ANKRD17: variants seen among roughly 807,000 people sequenced by gnomAD.
ANKRD17 encodes the protein ankyrin repeat domain 17, also known as ankyrin repeat domain-containing protein 17.
ANKRD17 carries 19 observed loss-of-function variants against 229.7 expected under a neutral mutation model. The ratio of observed to expected loss-of-function variants is 0.08; its 90% confidence interval spans 0.06 to 0.12. ANKRD17 has a LOEUF of 0.12. ANKRD17 is among the 10% of genes least tolerant of loss of function. The pLI is 1.00. For missense variants in ANKRD17, 2,176 were observed against 3,176.8 expected (o/e 0.68, Z 7.57); for synonymous variants, 1,112 against 1,146.1 (o/e 0.97, Z 0.60).
Position 73,085,430 on chromosome 4 carries a change from G to A in ANKRD17, c.6978C>T (p.Asp2326=), listed in dbSNP as rs1297620040. 3 of 1,613,466 alleles carry A rather than the reference G, an allele frequency of 1.9e-6. No homozygotes were observed. The highest frequency in any genetic ancestry group is 1.1e-5 in the South Asian group (1 of 91,068). The change falls in exon 30 of 34, where the codon GAC becomes GAT. Residue 2326 remains aspartate, a synonymous_variant. Coordinates refer to ENST00000358602, the MANE Select transcript of ANKRD17 (RefSeq NM_032217.5). ...AAGGTGTTACAGAACCATATGGCGA[G>A]TCCATATTGACAATACCTATAATGT... ...APSPSGIVNM[D]SPYGSVTPSS... is the part of the protein sequence containing the mutation.
chr4:73,095,918 A>C (rs1723248798), intron 27 of ANKRD17, among the ~76,000 whole-genome samples: 1 of 152,050 alleles, frequency 6.6e-6, no homozygotes, highest in African/African-American at 2.4e-5. Flanking sequence ...TTGAACTCAT[A>C]GTCTCAAGTG....
At chr4:73,218,622 G>A in intron 1 of ANKRD17, among the ~76,000 whole-genome samples, 1 of 136,074 alleles carries the variant, frequency 7.3e-6, no homozygotes, top group Admixed American at 8.0e-5. Flanking sequence ...TAGCCTGGGT[G>A]ACAGAGTGAG....
At chr4:73,151,672 A>G (rs1731014794) in intron 6 of ANKRD17, 148 bp from the exon 7 acceptor site, 2 of 547,188 alleles carry the variant, frequency 3.7e-6, no homozygotes, top group African/African-American at 1.9e-5. Context: ...CCTCAATTGT[A>G]GAACACAAAT....
chr4:73,118,042 G>T (rs1277341780), intron 22 of ANKRD17, among the ~76,000 whole-genome samples: 1 of 151,874 alleles, frequency 6.6e-6, no homozygotes, highest in African/African-American at 2.4e-5. Flanking sequence ...TTGAGACGGG[G>T]TCGTACTCTT....
At chr4:73,148,163 T>C (rs990541630) in intron 8 of ANKRD17, among the ~76,000 whole-genome samples, 2 of 152,226 alleles carry the variant, frequency 1.3e-5, no homozygotes, top group African/African-American at 4.8e-5. Flanking sequence ...TCAACATTAC[T>C]TCTAAATAAA....
intron 8 of ANKRD17, 37 bp from the exon 9 acceptor site, chr4:73,147,469 T>C: frequency 7.1e-7 from 1 of 1,410,898 alleles, no homozygotes; most frequent in Non-Finnish European, 9.4e-7. Context: ...AGAAAGTCAT[T>C]AACTTATTCC....
chr4:73,097,873 A>G (rs572449542), intron 26 of ANKRD17, among the ~76,000 whole-genome samples, 200 bp downstream of exon 26: 2 of 152,290 alleles, frequency 1.3e-5, no homozygotes, highest in South Asian at 2.1e-4. Flanking sequence ...AAGAAATTAC[A>G]TAGTAAAAAT....
chr4:73,097,373 A>G, intron 26 of ANKRD17, 101 bp from the exon 27 acceptor site: 1 of 1,021,094 alleles, frequency 9.8e-7, no homozygotes, highest in Non-Finnish European at 1.4e-6. Flanking sequence ...TTTATTTTTA[A>G]ATAACAAATG....
In ANKRD17 at chr4:73,080,841, G is replaced by C. The variant is rs143683819; in HGVS notation, c.7160-1951C>G. 3 of 152,310 alleles carry C rather than the reference G, an allele frequency of 2.0e-5. No homozygotes were observed. In the East Asian group the frequency reaches 5.8e-4, roughly 29 times the overall value. 9.4% of individuals were successfully genotyped at this position (152,310 alleles called of 1,614,324 possible). A position where few individuals can be genotyped will look rare whatever the true frequency, so the allele number is the denominator to read the frequency against. On this transcript the variant is annotated intron_variant, in intron 30 of 33. Transcript: ENST00000358602. Reference sequence around the variant, plus strand: ...GTTTTTTATGAGACGGTCTCACTATGATGCCCACACTGAAGTACAGTGACT... The same window carrying C: ...GTTTTTTATGAGACGGTCTCACTATCATGCCCACACTGAAGTACAGTGACT...
intron 18 of ANKRD17, among the ~76,000 whole-genome samples, chr4:73,123,145 T>G (rs1726977152): frequency 6.6e-6 from 1 of 152,216 alleles, no homozygotes; most frequent in South Asian, 2.1e-4. Context: ...CCTATTGGCT[T>G]TAATACTACT....
At chr4:73,177,757 G>A (rs570607637) in intron 1 of ANKRD17, among the ~76,000 whole-genome samples, 1 of 152,234 alleles carries the variant, frequency 6.6e-6, no homozygotes, top group South Asian at 2.1e-4. Context: ...TTTCTCATAT[G>A]CAGCCTAATT....
At chr4:73,155,040 C>CAA (rs528971172) in intron 5 of ANKRD17, among the ~76,000 whole-genome samples, 8 of 59,554 alleles carry the variant, frequency 1.3e-4, no homozygotes, top group Non-Finnish European at 1.7e-4. Context: ...GACTCCGTCT[C>CAA]AAAAAAAAAA....
chr4:73,123,927 A>G (rs1411467676), intron 18 of ANKRD17, among the ~76,000 whole-genome samples: 1 of 151,994 alleles, frequency 6.6e-6, no homozygotes, highest in Non-Finnish European at 1.5e-5. Context: ...TGAAACAGTC[A>G]CGATGATGAA....
chr4:73,184,683 ATT>A (rs1464956783), intron 1 of ANKRD17, among the ~76,000 whole-genome samples: 8 of 152,250 alleles, frequency 5.3e-5, no homozygotes, highest in African/African-American at 1.9e-4. Context: ...CACAAAAATA[ATT>A]TTGTTATAAT....
chr4:73,084,451 ATT>A (rs35710035), intron 30 of ANKRD17, among the ~76,000 whole-genome samples: 1 of 144,988 alleles, frequency 6.9e-6, no homozygotes. Flanking sequence ...TGCAGATGAG[ATT>A]TTTTTTTTTT....
chr4:73,139,891 G>A lies in ANKRD17; in HGVS notation c.2725C>T (p.Leu909=), dbSNP rs749050798. 5.0e-6 allele frequency: 8 copies of A among 1,614,170 alleles called. No homozygotes were observed. In the South Asian group the frequency reaches 8.8e-5, roughly 18 times the overall value. Residue 909 remains leucine, a synonymous_variant, in exon 15 of 34, where the codon CTG becomes TTG. Transcript: ENST00000358602. The part of the protein sequence containing the change: ...QQQQQQSCQH[L]GLLTPVGVGE... ...ACTCCAACAGGAGTTAGTAATCCCA[G>A]GTGTTGGCAAGACTGTTGCTGCTGT...
chr4:73,090,729 G>A lies in ANKRD17; in HGVS notation c.6899C>T (p.Ser2300Phe), dbSNP rs746324914. Residue 2300 changes from serine to phenylalanine, a missense_variant, in exon 29 of 34, where the codon TCT becomes TTT. By Grantham distance (155) the Ser-to-Phe change is radical. Transcript: ENST00000358602. ...YLPNSDPLHQ[S>F]DTSKAPGFRP... ...AAAACCTGGAGCTTTGGAAGTATCAGACTGATGTAAAGGATCTGAATTTGG... is the reference window on the plus strand; with the variant it reads ...AAAACCTGGAGCTTTGGAAGTATCAAACTGATGTAAAGGATCTGAATTTGG... 6.2e-7 allele frequency: 1 copy of A among 1,614,162 alleles called. No individual in the cohort carries two copies. The highest frequency in any genetic ancestry group is 2.2e-5 in the East Asian group (1 of 44,868).
In ANKRD17 at chr4:73,141,792, G is replaced by T. The variant is rs780327116; in HGVS notation, c.2281C>A (p.Pro761Thr). The change falls in exon 14 of 34, where the codon CCT becomes ACT. Residue 761 changes from proline (P) to threonine (T), a missense_variant. Physicochemically the swap from Pro to Thr is conservative, Grantham distance 38 (BLOSUM62 -1). Transcript: ENST00000358602. ...GCAACATTGGCAGGTGGTTTGTCAG[G>T]CTCCTGAGGTGGAACAACCATGGGC... Reference protein sequence around the residue: ...ALPMVVPPQEPDKPPANVATT... With the variant: ...ALPMVVPPQETDKPPANVATT... The T allele has an allele frequency of 6.2e-7, 1 of 1,613,916 alleles. No individual in the cohort carries two copies. Among genetic ancestry groups the T allele is most frequent in the Non-Finnish European group, 8.5e-7 (1 of 1,179,934 alleles).
In ANKRD17 at chr4:73,121,754, C is replaced by T; in HGVS notation, c.3498G>A (p.Val1166=). The change falls in exon 19 of 34, where the codon GTG becomes GTA. Residue 1166 remains valine, a synonymous_variant. Transcript: ENST00000358602. ...TTGCCCCTCGAGCTAACAATAGCTC[C>T]ACCACCTGAAAATAAAATAGAAAAA... is the stretch of plus-strand genomic sequence containing the variant. ...LACSGGRQEV[V]ELLLARGANK... 1.9e-6 allele frequency: 3 copies of T among 1,584,984 alleles called. No homozygotes were observed. Among genetic ancestry groups the T allele is most frequent in the Non-Finnish European group, 2.6e-6 (3 of 1,171,298 alleles).
Sources: gnomAD v4.1 joint callset for allele counts (sites outside exome capture counted in the v4.1 genomes callset) on GRCh38, gnomAD v4.1.1 for gene constraint, MANE v1.5 for transcripts, NCBI Gene and HGNC (gene_info 2026-07-23, HGNC 2026-07-21) for gene names.